Variants in SLCO5A1 observed in about 807,000 individuals in gnomAD.
SLCO5A1 encodes the protein organic anion transporter polypeptide-related protein 4.
SLCO5A1 carries 39 observed loss-of-function variants against 65.1 expected under a neutral mutation model. That is an observed-to-expected ratio of 0.60 (90% confidence interval 0.46 to 0.78). The LOEUF (loss-of-function observed/expected upper bound fraction) is 0.78. Among genes scored for constraint, SLCO5A1 ranks in the 30% least tolerant of loss-of-function variants. The pLI is 0.00. For synonymous variants in SLCO5A1, 438 were observed against 415.7 expected (o/e 1.05, Z -0.65); for missense variants, 1,029 against 1,069.4 (o/e 0.96, Z 0.53).
chr8:69,714,047 G>A (rs1815397792), intron 5 of SLCO5A1, among the ~76,000 whole-genome samples: 1 of 152,184 alleles, frequency 6.6e-6, no homozygotes, highest in Admixed American at 6.5e-5. Flanking sequence ...AGAAGAGACA[G>A]CGCGATAAGT....
intron 6 of SLCO5A1, among the ~76,000 whole-genome samples, chr8:69,688,076 C>T (rs1814076866): frequency 6.6e-6 from 1 of 151,804 alleles, no homozygotes. Context: ...AGAAAATTTG[C>T]TTATAGTTTT....
intron 6 of SLCO5A1, among the ~76,000 whole-genome samples, chr8:69,684,232 T>A (rs1813911314): frequency 6.6e-6 from 1 of 152,190 alleles, no homozygotes; most frequent in African/African-American, 2.4e-5. Context: ...GGGTCAATTT[T>A]GCCCCCCCAG....
chr8:69,773,620 C>T (rs1021828897), intron 2 of SLCO5A1, among the ~76,000 whole-genome samples: 5 of 152,228 alleles, frequency 3.3e-5, no homozygotes, highest in Non-Finnish European at 1.5e-5. Flanking sequence ...GTGAAAGAAA[C>T]ACCACCCTCA....
intron 2 of SLCO5A1, among the ~76,000 whole-genome samples, chr8:69,788,207 G>T (rs1563725077): frequency 4.6e-5 from 7 of 152,138 alleles, no homozygotes; most frequent in Admixed American, 3.3e-4. Context: ...CCATTAAGGA[G>T]CTTTGCTTCC....
rs200066398 is a variant in SLCO5A1, at chr8:69,832,110, G to A, written c.564C>T (p.Phe188=). The change falls in exon 2 of 10, where the codon TTC becomes TTT. Residue 188 remains phenylalanine, a synonymous_variant. Transcript: ENST00000260126. This position sits in a 1 kb window ranked among gnomAD's most constrained non-coding sequence, Gnocchi z 4.5. Reference sequence around the variant, plus strand: ...ACAGGGGCCGCCGACCCCGGCCGCCGAAGTAGCTGACGAACACCACCACCA... The same window carrying A: ...ACAGGGGCCGCCGACCCCGGCCGCCAAAGTAGCTGACGAACACCACCACCA... ...NLVVVVFVSY[F]GGRGRRPLWL... 15 of 1,614,110 alleles carry A rather than the reference G, an allele frequency of 9.3e-6. No homozygotes were observed. In the African/African-American group the frequency reaches 1.3e-4, roughly 14 times the overall value.
At chr8:69,829,284 G>A (rs1190568590) in intron 2 of SLCO5A1, among the ~76,000 whole-genome samples, 1 of 152,148 alleles carries the variant, frequency 6.6e-6, no homozygotes, top group Non-Finnish European at 1.5e-5. Flanking sequence ...ATAGGGAATG[G>A]AGGAACAAGG....
chr8:69,798,144 G>A (rs558593503), intron 2 of SLCO5A1, among the ~76,000 whole-genome samples: 90 of 152,230 alleles, frequency 5.9e-4, no homozygotes, highest in Middle Eastern at 3.4e-3. Context: ...AATTTCACCT[G>A]ATATCTGGCT....
At position 69,667,913 on chromosome 8, in the gene SLCO5A1, C is replaced by A. The variant is rs528730848; in HGVS notation, c.*4956G>T. 3 of 152,282 alleles carry A rather than the reference C, an allele frequency of 2.0e-5. No homozygotes were observed. In the South Asian group the frequency reaches 6.2e-4, roughly 32 times the overall value. The allele number at this position is 152,282 out of a possible 1,614,324, so 9.4% of individuals were successfully genotyped here. A position where few individuals can be genotyped will look rare whatever the true frequency, so the allele number is the denominator to read the frequency against. On this transcript the variant is annotated 3_prime_UTR_variant, in exon 10 of 10. Coordinates refer to ENST00000260126, the MANE Select transcript of SLCO5A1 (RefSeq NM_030958.3). ...ACTGTTGAAATGAGAGTAATGGATGCTTGTTTTCTGGAAAATTCTTCAGAT... is the reference window on the plus strand; with the variant it reads ...ACTGTTGAAATGAGAGTAATGGATGATTGTTTTCTGGAAAATTCTTCAGAT...
In SLCO5A1 at chr8:69,832,522, C is replaced by A; in HGVS notation, c.152G>T (p.Ser51Ile). 1 of 1,608,276 alleles carries A rather than the reference C, an allele frequency of 6.2e-7. No homozygotes were observed. The highest frequency in any genetic ancestry group is 8.5e-7 in the Non-Finnish European group (1 of 1,177,666). ...LSSASCRPSLSPTSGDANPAF... is the reference protein window; with the variant it reads ...LSSASCRPSLIPTSGDANPAF... ...CGGGTTGGCGTCTCCACTAGTGGGA[C>A]TGAGGCTTGGCCGGCAGGAGGCGCT... is the stretch of plus-strand genomic sequence containing the variant. The change falls in exon 2 of 10, where the codon AGT becomes ATT. Residue 51 changes from serine to isoleucine, a missense_variant. Physicochemically the swap from Ser to Ile is moderately radical, Grantham distance 142. Transcript: ENST00000260126. The surrounding 1 kb of genome is among the most constrained non-coding windows in gnomAD (Gnocchi z 4.5).
chr8:69,829,977 G>C (rs1821089982), intron 2 of SLCO5A1, among the ~76,000 whole-genome samples: 1 of 152,146 alleles, frequency 6.6e-6, no homozygotes, highest in Non-Finnish European at 1.5e-5. Context: ...GGGTATACTG[G>C]TGCTTATTAT....
intron 5 of SLCO5A1, among the ~76,000 whole-genome samples, chr8:69,708,390 TAATATA>T (rs1433696202): frequency 2.3e-4 from 35 of 152,156 alleles, no homozygotes; most frequent in Non-Finnish European, 5.9e-5. Flanking sequence ...ATTCGGTATA[TAATATA>T]AATTGTAGTT....
At chr8:69,823,374 C>T (rs1820733320) in intron 2 of SLCO5A1, among the ~76,000 whole-genome samples, 1 of 152,066 alleles carries the variant, frequency 6.6e-6, no homozygotes, top group African/African-American at 2.4e-5. Flanking sequence ...ATTCAGGAGA[C>T]CCATCTCACG....
chr8:69,808,970 G>C (rs1035116911), intron 2 of SLCO5A1, among the ~76,000 whole-genome samples: 6 of 152,092 alleles, frequency 3.9e-5, no homozygotes, highest in East Asian at 1.9e-4. Flanking sequence ...CAGGCATGGT[G>C]GTGGGCGCCC....
intron 2 of SLCO5A1, among the ~76,000 whole-genome samples, chr8:69,829,090 A>G (rs775630784): frequency 5.9e-5 from 9 of 152,268 alleles, no homozygotes; most frequent in Non-Finnish European, 1.2e-4. Flanking sequence ...TGAGAAATGT[A>G]TCTTTACAAT....
intron 1 of SLCO5A1, chr8:69,833,532 C>T (rs1383023199): frequency 1.3e-5 from 2 of 152,260 alleles, no homozygotes; most frequent in African/African-American, 2.4e-5. Flanking sequence ...TTCCGTACTC[C>T]TACTCCATTA....
chr8:69,693,081 A>G (rs1814345053), intron 6 of SLCO5A1, among the ~76,000 whole-genome samples: 1 of 152,178 alleles, frequency 6.6e-6, no homozygotes. Flanking sequence ...TATGACTACA[A>G]TATCATTAGG....
intron 5 of SLCO5A1, among the ~76,000 whole-genome samples, chr8:69,724,760 A>T (rs990343709): frequency 3.0e-4 from 46 of 152,206 alleles, no homozygotes; most frequent in African/African-American, 1.1e-3. Context: ...TTAGCTCAGG[A>T]TGTGATCTTT....
At chr8:69,733,017 A>C (rs13267759) in intron 5 of SLCO5A1, among the ~76,000 whole-genome samples, 1 of 152,092 alleles carries the variant, frequency 6.6e-6, no homozygotes, top group African/African-American at 2.4e-5. Context: ...TTTCTCATCT[A>C]GAAAACTGGC....
At chr8:69,697,397 A>C (rs867990770) in intron 6 of SLCO5A1, among the ~76,000 whole-genome samples, 1 of 152,216 alleles carries the variant, frequency 6.6e-6, no homozygotes, top group Non-Finnish European at 1.5e-5. Flanking sequence ...TTCCAAAAAA[A>C]AATTATATAT....
Sources: gnomAD v4.1 joint callset for allele counts (sites outside exome capture counted in the v4.1 genomes callset) on GRCh38, gnomAD v4.1.1 for gene constraint, Gnocchi (gnomAD v3.1) non-coding constraint, MANE v1.5 for transcripts, NCBI Gene and HGNC (gene_info 2026-07-23, HGNC 2026-07-21) for gene names.